The following PDIA6 variants were observed in gnomAD, a reference collection of about 807,000 sequenced individuals.
PDIA6 encodes protein disulfide-isomerase A6.
In PDIA6, 29 loss-of-function variants were observed where a neutral mutation model predicts 58.4. The ratio of observed to expected loss-of-function variants is 0.50; its 90% CI spans 0.37 to 0.68. The LOEUF is 0.68. PDIA6 is among the 30% of genes least tolerant of loss of function. The probability of loss-of-function intolerance (pLI) is 0.00; values close to 1 mark genes in which losing one functional copy is unlikely to be tolerated. For missense variants in PDIA6, 480 were observed against 551.0 expected, an observed-to-expected ratio of 0.87 and a Z score of 1.29; for synonymous variants, 192 against 202.6, an observed-to-expected ratio of 0.95 and a Z score of 0.44.
chr2:10,812,586 G>A (rs897424180), intron 1 of PDIA6, 92 bp downstream of exon 1: 3 of 1,309,388 alleles, frequency 2.3e-6, no homozygotes, highest in East Asian at 3.3e-5. Context: ...CCGGCCGCCT[G>A]CGGCCGCGGC....
At chr2:10,831,149 C>T (rs529054939) in intron 1 of PDIA6, among the ~76,000 whole-genome samples, 1 of 152,208 alleles carries the variant, frequency 6.6e-6, no homozygotes, top group Non-Finnish European at 1.5e-5. Flanking sequence ...ACCCTTGGCA[C>T]TTGGAGCCGC....
At chr2:10,790,566 T>TCC (rs1665986803) in intron 7 of PDIA6, among the ~76,000 whole-genome samples, 153 bp downstream of exon 7, 1 of 152,224 alleles carries the variant, frequency 6.6e-6, no homozygotes, top group Admixed American at 6.5e-5. Flanking sequence ...AGTTTCAGAC[T>TCC]TGTTAGTTAT....
chr2:10,795,948 A>C (rs541646844), intron 4 of PDIA6, among the ~76,000 whole-genome samples: 1 of 152,352 alleles, frequency 6.6e-6, no homozygotes, highest in South Asian at 2.1e-4. Flanking sequence ...TTACCAAATT[A>C]GTCATAATTT....
chr2:10,829,251 C>T (rs1558466098), intron 1 of PDIA6, among the ~76,000 whole-genome samples: 1 of 152,188 alleles, frequency 6.6e-6, no homozygotes, highest in Non-Finnish European at 1.5e-5. Flanking sequence ...CTCTTTTGGG[C>T]CACTCATACC....
At chr2:10,827,045 G>A (rs1045302946) in intron 1 of PDIA6, among the ~76,000 whole-genome samples, 1 of 152,180 alleles carries the variant, frequency 6.6e-6, no homozygotes, top group East Asian at 1.9e-4. Context: ...CCTCAGAACT[G>A]ATCAGAATTC....
chr2:10,804,628 T>C (rs1353119109), intron 1 of PDIA6, among the ~76,000 whole-genome samples: 1 of 137,706 alleles, frequency 7.3e-6, no homozygotes, highest in African/African-American at 2.5e-5. Flanking sequence ...TTTGTTCTTT[T>C]GGCTTAGGAT....
At chr2:10,810,091 G>A (rs777255310) in intron 1 of PDIA6, among the ~76,000 whole-genome samples, 3 of 152,146 alleles carry the variant, frequency 2.0e-5, no homozygotes, top group Non-Finnish European at 2.9e-5. Context: ...TATTTCTGGC[G>A]AGACAAAACA....
chr2:10,793,485 G>C (rs1466100738), intron 4 of PDIA6, among the ~76,000 whole-genome samples: 2 of 152,142 alleles, frequency 1.3e-5, no homozygotes, highest in African/African-American at 4.8e-5. Flanking sequence ...CACCATCTCA[G>C]GTCACTGCAA....
At chr2:10,801,989 C>T (rs1666529350) in intron 2 of PDIA6, among the ~76,000 whole-genome samples, 1 of 152,200 alleles carries the variant, frequency 6.6e-6, no homozygotes, top group South Asian at 2.1e-4. Flanking sequence ...ACATCTTGCA[C>T]AGTTTCCACT....
At chr2:10,831,960 G>T (rs1383313380) in intron 1 of PDIA6, among the ~76,000 whole-genome samples, 15 of 139,738 alleles carry the variant, frequency 1.1e-4, no homozygotes, top group African/African-American at 3.7e-4. Flanking sequence ...AGGGTCCCCT[G>T]GAGCTATGAT....
chr2:10,788,582 A>AAC (rs11426702), intron 10 of PDIA6, 115 bp downstream of exon 10: 3 of 749,752 alleles, frequency 4.0e-6, no homozygotes, highest in Non-Finnish European at 6.9e-6. Context: ...AAAAAAAAAA[A>AAC]CATATAGCAG....
chr2:10,830,138 C>T (rs1667670157), intron 1 of PDIA6, among the ~76,000 whole-genome samples: 1 of 152,234 alleles, frequency 6.6e-6, no homozygotes, highest in Non-Finnish European at 1.5e-5. Flanking sequence ...TCCACACTGC[C>T]TCCTTGCACC....
chr2:10,836,476 G>A (rs1330381062), upstream of PDIA6, among the ~76,000 whole-genome samples: 1 of 151,698 alleles, frequency 6.6e-6, no homozygotes, highest in African/African-American at 2.4e-5. Flanking sequence ...GCCTCTCAAA[G>A]TGCTGAGATT....
At position 10,796,976 on chromosome 2, in the gene PDIA6, A is replaced by G. The variant is rs867231041; in HGVS notation, c.346+105T>C. 129 of 887,774 alleles carry G rather than the reference A, an allele frequency of 1.5e-4. No individual in the cohort carries two copies. In the African/African-American group the frequency reaches 1.6e-3, roughly 11 times the overall value. The allele number at this position is 887,774 out of a possible 1,614,324, so 55.0% of individuals were successfully genotyped here. ...TGTACCATTTATAGATAATTCAGGT[A>G]CAATGAGGTTGAGAACCTTGCAGGT... On this transcript the variant is annotated intron_variant, in intron 4 of 12. Transcript: ENST00000272227.
intron 1 of PDIA6, among the ~76,000 whole-genome samples, chr2:10,803,889 G>A (rs548737593): frequency 6.7e-5 from 10 of 148,602 alleles, no homozygotes; most frequent in East Asian, 2.0e-4. Context: ...GCTAATGTGC[G>A]TGTTTGTGTC....
At chr2:10,789,614 C>T (rs1053845052) in intron 8 of PDIA6, 135 bp downstream of exon 8, 5 of 707,116 alleles carry the variant, frequency 7.1e-6, no homozygotes, top group East Asian at 2.8e-5. Context: ...ACTTTTTTTC[C>T]ATTTCAAAGT....
At chr2:10,792,844 C>G (rs779652336) in intron 5 of PDIA6, among the ~76,000 whole-genome samples, 44 of 152,200 alleles carry the variant, frequency 2.9e-4, no homozygotes, top group Admixed American at 5.9e-4. Context: ...GGCTCCTGGG[C>G]CTGGTACTTG....
intron 4 of PDIA6, among the ~76,000 whole-genome samples, chr2:10,793,709 G>A (rs972376250): frequency 2.6e-5 from 4 of 152,132 alleles, no homozygotes; most frequent in Non-Finnish European, 5.9e-5. Context: ...AAAACTCCCT[G>A]CTCAAACACC....
At chr2:10,832,016 CAAAAAAAAAAA>C (rs59417410) in intron 1 of PDIA6, among the ~76,000 whole-genome samples, 1 of 81,364 alleles carries the variant, frequency 1.2e-5, no homozygotes, top group South Asian at 5.3e-4. Flanking sequence ...GACCCTGTCT[CAAAAAAAAAAA>C]AAAAAAAAAA....
Sources: gnomAD v4.1 joint callset for allele counts (sites outside exome capture counted in the v4.1 genomes callset) on GRCh38, gnomAD v4.1.1 for gene constraint, MANE v1.5 for transcripts, NCBI Gene and HGNC (gene_info 2026-07-23, HGNC 2026-07-21) for gene names.